The following PPEF1 variants were observed in gnomAD, a reference collection of about 807,000 sequenced individuals.
PPEF1 encodes serine/threonine-protein phosphatase with EF-hands 1.
PPEF1 carries 12 observed loss-of-function variants against 53.3 expected under a neutral mutation model. That is an observed-to-expected ratio of 0.23 (90% CI 0.14 to 0.36). PPEF1 has a LOEUF of 0.36. PPEF1 is among the 10% of genes least tolerant of loss of function. The probability of loss-of-function intolerance (pLI) is 1.00; values close to 1 mark genes in which losing one functional copy is unlikely to be tolerated. For missense variants in PPEF1, 334 were observed against 490.4 expected, an observed-to-expected ratio of 0.68 and a Z score of 3.01; for synonymous variants, 165 against 176.7, an observed-to-expected ratio of 0.93 and a Z score of 0.52.
intron 10 of PPEF1, among the ~76,000 whole-genome samples, chrX:18,789,879 A>G (rs1446884129): frequency 8.9e-6 from 1 of 112,428 alleles, no homozygotes; most frequent in African/African-American, 3.2e-5. Context: ...TTTGGCTACT[A>G]TGAATAATCC....
intron 1 of PPEF1, among the ~76,000 whole-genome samples, chrX:18,715,634 A>G (rs886744466): frequency 1.3e-4 from 15 of 111,999 alleles, no homozygotes; most frequent in African/African-American, 4.9e-4. Context: ...TCATTTATTG[A>G]GTGCCTGCTA....
At chrX:18,802,716 G>A (rs776211395) in intron 10 of PPEF1, among the ~76,000 whole-genome samples, 2 of 111,783 alleles carry the variant, frequency 1.8e-5, no homozygotes, top group Non-Finnish European at 3.8e-5. Context: ...AACATATTAA[G>A]ACACACCTAA....
At chrX:18,716,592 C>G (rs939536567) in intron 1 of PPEF1, among the ~76,000 whole-genome samples, 1 of 109,240 alleles carries the variant, frequency 9.2e-6, no homozygotes, top group African/African-American at 3.3e-5. Context: ...TTGAGAGCCC[C>G]CCTCCCGGCT....
At chrX:18,780,672 G>A (rs2046064370) in intron 7 of PPEF1, among the ~76,000 whole-genome samples, 1 of 111,485 alleles carries the variant, frequency 9.0e-6, no homozygotes, top group African/African-American at 3.3e-5. Context: ...GACTAGGGTA[G>A]TGGTGATAGA....
intron 11 of PPEF1, among the ~76,000 whole-genome samples, chrX:18,804,668 A>C (rs2046622912): frequency 8.9e-6 from 1 of 112,202 alleles, no homozygotes; most frequent in African/African-American, 3.2e-5. Context: ...TGGTTCTTAT[A>C]AGGCAACTGT....
chrX:18,729,268 C>T lies in PPEF1; in HGVS notation c.47-913C>T, dbSNP rs144780464. Among the ~76,000 whole-genome samples, 190 of 111,870 alleles carry T rather than the reference C, an allele frequency of 1.7e-3. 1 individual carries two copies. The highest frequency in any genetic ancestry group is 6.0e-3 in the African/African-American group (184 of 30,744). ...GGTGCAGAAGGTGGTGTGAATCATA[C>T]GTTTCCATCAGCTCATTGAACATTA... On this transcript the variant is annotated intron_variant, in intron 1 of 15. Coordinates refer to ENST00000470157, the MANE Select transcript of PPEF1 (RefSeq NM_001377996.1).
At chrX:18,805,443 G>A (rs1403714536) in intron 11 of PPEF1, among the ~76,000 whole-genome samples, 1 of 111,962 alleles carries the variant, frequency 8.9e-6, no homozygotes, top group Non-Finnish European at 1.9e-5. Flanking sequence ...TATTGTTTAG[G>A]GTTTCTTTGT....
chrX:18,741,889 C>T (rs2045176566), intron 3 of PPEF1, among the ~76,000 whole-genome samples: 1 of 107,744 alleles, frequency 9.3e-6, no homozygotes, highest in Non-Finnish European at 1.9e-5. Context: ...CTGCAACCTC[C>T]ACCTTCCTGG....
chrX:18,734,359 A>G (rs1271666586), intron 3 of PPEF1, among the ~76,000 whole-genome samples: 1 of 99,524 alleles, frequency 1.0e-5, no homozygotes, highest in Non-Finnish European at 2.0e-5. Context: ...ATTCCCACCT[A>G]TGAGTGAGAA....
At chrX:18,775,715 A>G (rs1381691624) in intron 6 of PPEF1, among the ~76,000 whole-genome samples, 1 of 111,729 alleles carries the variant, frequency 9.0e-6, no homozygotes, top group African/African-American at 3.3e-5. Flanking sequence ...TAGTTGCCGG[A>G]TCCTCTTAGG....
At chrX:18,727,935 C>T (rs778888772) in intron 1 of PPEF1, among the ~76,000 whole-genome samples, 11 of 111,895 alleles carry the variant, frequency 9.8e-5, no homozygotes, top group African/African-American at 3.2e-4. Flanking sequence ...TTTCGCTATC[C>T]GGAAGCTCAC....
intron 1 of PPEF1, among the ~76,000 whole-genome samples, chrX:18,725,971 G>A (rs1001853815): frequency 6.3e-5 from 7 of 111,376 alleles, no homozygotes; most frequent in African/African-American, 2.3e-4. Flanking sequence ...ATGGGAGGGG[G>A]CCTAGCTTGC....
intron 3 of PPEF1, among the ~76,000 whole-genome samples, chrX:18,734,388 C>T (rs1206398723): frequency 4.7e-5 from 5 of 106,178 alleles, no homozygotes; most frequent in Non-Finnish European, 9.6e-5. Flanking sequence ...GTTTGGTTTT[C>T]TGTCCTTGCG....
At position 18,823,912 on chromosome X, in the gene PPEF1, G is replaced by C; in HGVS notation, c.1502-11G>C. 1 of 1,202,860 alleles carries C rather than the reference G, an allele frequency of 8.3e-7. No homozygotes were observed. Among genetic ancestry groups the C allele is most frequent in the Non-Finnish European group, 1.1e-6 (1 of 890,171 alleles). On this transcript the variant is annotated splice_polypyrimidine_tract_variant and intron_variant, in intron 13 of 15. Transcript: ENST00000470157. ...AACAAATCATTTGGGCTTTGTTATT[G>C]TTGTTGTTAGGAAAACTTTCTGTGA...
At chrX:18,819,565 G>A (rs1213392424) in intron 13 of PPEF1, among the ~76,000 whole-genome samples, 2 of 110,947 alleles carry the variant, frequency 1.8e-5, no homozygotes, top group Non-Finnish European at 3.8e-5. Context: ...ATGGTGGCAG[G>A]CACCTGTAAT....
At position 18,755,667 on chromosome X, in the gene PPEF1, C is replaced by A. The variant is rs754717050; in HGVS notation, c.397-1960C>A. ...ATGTAATTCCAGAACATTTTCATCA[C>A]CCCCAAACAAAACCCTTTACCCATT... On this transcript the variant is annotated intron_variant, in intron 4 of 15. Coordinates refer to ENST00000470157, the MANE Select transcript of PPEF1 (RefSeq NM_001377996.1). 9.4e-4 allele frequency among the ~76,000 whole-genome samples: 105 copies of A among 111,184 alleles called. 5 individuals carry two copies. The highest frequency in any genetic ancestry group is 1.3e-3 in the Admixed American group (14 of 10,462).
At chrX:18,723,584 C>T (rs1309195625) in intron 1 of PPEF1, among the ~76,000 whole-genome samples, 1 of 110,982 alleles carries the variant, frequency 9.0e-6, no homozygotes, top group Non-Finnish European at 1.9e-5. Flanking sequence ...CAGGCCTTGC[C>T]CCAGGTGCTG....
rs185759591 is a variant in PPEF1 at position 18,824,284 on chromosome X, A to G, written c.1665+198A>G. ...GTGAAGCCCCGTCTCTACCAAAAAT[A>G]CAAAAATCAGCCGGGTGTGGTCGTG... On this transcript the variant is annotated intron_variant, in intron 14 of 15. Transcript: ENST00000470157. Among the ~76,000 whole-genome samples the G allele has an allele frequency of 4.8e-4, 53 of 111,312 alleles. No homozygotes were observed. The East Asian group carries it at 0.015, about 31-fold the overall frequency.
At chrX:18,779,350 A>G (rs1292309822) in intron 7 of PPEF1, among the ~76,000 whole-genome samples, 174 bp downstream of exon 7, 1 of 111,620 alleles carries the variant, frequency 9.0e-6, no homozygotes, top group South Asian at 3.8e-4. Context: ...GCTGAGTATC[A>G]GTTGCCCTGA....
Sources: allele counts gnomAD v4.1 joint callset (sites outside exome capture counted in the v4.1 genomes callset), GRCh38; gene constraint gnomAD v4.1.1; transcripts MANE v1.5; gene names NCBI Gene and HGNC (gene_info 2026-07-23, HGNC 2026-07-21).